The following AGBL4 variants were observed in gnomAD, a reference collection of about 807,000 sequenced individuals.
The protein encoded by AGBL4 is cytosolic carboxypeptidase 6.
A neutral mutation model predicts 66.4 loss-of-function variants in AGBL4; 58 were observed. The ratio of observed to expected loss-of-function variants is 0.87; its 90% CI spans 0.71 to 1.09. The LOEUF is 1.09. Ranked by LOEUF, AGBL4 falls within the 50% of genes least tolerant of loss-of-function variation. The pLI, the probability that AGBL4 is intolerant of heterozygous loss-of-function variation, is 0.00. For missense variants in AGBL4, 579 were observed against 631.0 expected (o/e 0.92, Z 0.88); for synonymous variants, 234 against 222.9 (o/e 1.05, Z -0.44).
At chr1:49,882,319 T>C (rs368070996) in intron 1 of AGBL4, among the ~76,000 whole-genome samples, 12,216 of 149,616 alleles carry the variant, frequency 0.082, 624 homozygotes, top group African/African-American at 0.16. Flanking sequence ...AGTCAGGTAG[T>C]GTGATGCCTC....
At chr1:49,432,699 A>G (rs1486372402) in intron 3 of AGBL4, among the ~76,000 whole-genome samples, 4 of 152,186 alleles carry the variant, frequency 2.6e-5, no homozygotes, top group Non-Finnish European at 5.9e-5. Flanking sequence ...AAAATGGCAT[A>G]TTAGCAAGTT....
intron 4 of AGBL4, among the ~76,000 whole-genome samples, chr1:49,195,363 T>C (rs1320822282): frequency 6.6e-6 from 1 of 152,268 alleles, no homozygotes; most frequent in East Asian, 1.9e-4. Flanking sequence ...ATGAAGTCTC[T>C]CTGTATTTGT....
At chr1:48,899,595 C>T (rs1186931113) in intron 5 of AGBL4, among the ~76,000 whole-genome samples, 2 of 152,082 alleles carry the variant, frequency 1.3e-5, no homozygotes, top group Non-Finnish European at 2.9e-5. Context: ...GTAGAGAAAC[C>T]TGGATCTGGC....
chr1:48,918,808 A>G (rs1315560494), intron 5 of AGBL4, among the ~76,000 whole-genome samples: 1 of 152,228 alleles, frequency 6.6e-6, no homozygotes, highest in Admixed American at 6.5e-5. Flanking sequence ...CCTGGGCGTC[A>G]GCACAGCTGT....
intron 5 of AGBL4, among the ~76,000 whole-genome samples, chr1:48,964,654 T>A (rs772672757): frequency 6.6e-6 from 1 of 152,076 alleles, no homozygotes; most frequent in African/African-American, 2.4e-5. Flanking sequence ...AGCAGCAGAG[T>A]TTATCTACTG....
At chr1:50,010,279 C>T (rs974195663) in intron 1 of AGBL4, among the ~76,000 whole-genome samples, 1 of 150,256 alleles carries the variant, frequency 6.7e-6, no homozygotes, top group Non-Finnish European at 1.5e-5. Context: ...TGCACTCCAG[C>T]CTGGGCAATA....
chr1:49,364,259 T>C (rs1004956445), intron 3 of AGBL4, among the ~76,000 whole-genome samples: 1 of 152,296 alleles, frequency 6.6e-6, no homozygotes, highest in Admixed American at 6.5e-5. Flanking sequence ...TAGTGTAGTA[T>C]AGGGCTAAGG....
At chr1:49,248,000 C>G (rs1651777980) in intron 3 of AGBL4, among the ~76,000 whole-genome samples, 1 of 152,066 alleles carries the variant, frequency 6.6e-6, no homozygotes, top group Non-Finnish European at 1.5e-5. Flanking sequence ...TACATGGAAA[C>G]AGTAACATCA....
intron 5 of AGBL4, among the ~76,000 whole-genome samples, chr1:48,876,249 A>C (rs879682531): frequency 6.6e-5 from 10 of 152,154 alleles, no homozygotes; most frequent in Admixed American, 5.9e-4. Context: ...TGAATACAGA[A>C]ACCTCGATCA....
Position 48,601,304 on chromosome 1 carries a change from A to T in AGBL4, c.952-10319T>A, listed in dbSNP as rs1645069820. Among the ~76,000 whole-genome samples, 5 of 152,242 alleles carry T rather than the reference A, an allele frequency of 3.3e-5. No individual in the cohort carries two copies. The South Asian group carries it at 1.0e-3, about 32-fold the overall frequency. ...ATCACAAATTCACACACTGTCATAGAGGTAAATGAAGTAACTGGCTTTGTG... is the reference window on the plus strand; with the variant it reads ...ATCACAAATTCACACACTGTCATAGTGGTAAATGAAGTAACTGGCTTTGTG... On this transcript the variant is annotated intron_variant, in intron 9 of 13. Coordinates refer to ENST00000371839, the MANE Select transcript of AGBL4 (RefSeq NM_032785.4).
At chr1:49,913,578 C>T (rs1651076763) in intron 1 of AGBL4, among the ~76,000 whole-genome samples, 1 of 152,172 alleles carries the variant, frequency 6.6e-6, no homozygotes, top group Non-Finnish European at 1.5e-5. Context: ...TGCTGGTGGC[C>T]CTACAGTTCT....
At chr1:48,837,711 C>CTATATATAAATA (rs1646714806) in intron 6 of AGBL4, among the ~76,000 whole-genome samples, 3 of 82,298 alleles carry the variant, frequency 3.6e-5, no homozygotes, top group South Asian at 5.9e-4. Flanking sequence ...CACACACACA[C>CTATATATAAATA]TATATATATA....
intron 1 of AGBL4, among the ~76,000 whole-genome samples, chr1:49,877,458 C>T (rs1311702881): frequency 6.6e-6 from 1 of 151,552 alleles, no homozygotes; most frequent in Admixed American, 6.6e-5. Flanking sequence ...TGCTGGATTA[C>T]ATTTATTGAT....
intron 3 of AGBL4, among the ~76,000 whole-genome samples, chr1:49,246,820 G>A (rs184066203): frequency 2.7e-4 from 41 of 151,944 alleles, no homozygotes; most frequent in Non-Finnish European, 5.0e-4. Flanking sequence ...ATTTCAAGAG[G>A]TTACCACAGG....
chr1:48,918,984 T>G (rs1398122341), intron 5 of AGBL4, among the ~76,000 whole-genome samples: 1 of 152,164 alleles, frequency 6.6e-6, no homozygotes. Context: ...TTGCTGCACA[T>G]GTACAAAAAG....
chr1:49,718,687 T>C (rs1005900164), intron 2 of AGBL4, among the ~76,000 whole-genome samples: 1 of 152,066 alleles, frequency 6.6e-6, no homozygotes, highest in Non-Finnish European at 1.5e-5. Flanking sequence ...TGGCTTATTT[T>C]CTATTAAACT....
At chr1:49,870,447 T>C (rs961351474) in intron 1 of AGBL4, among the ~76,000 whole-genome samples, 9 of 151,808 alleles carry the variant, frequency 5.9e-5, no homozygotes, top group South Asian at 2.1e-4. Context: ...TATAATTCGA[T>C]TATTTGTAAC....
chr1:49,532,258 A>G (rs1651199820), intron 3 of AGBL4, among the ~76,000 whole-genome samples: 1 of 152,152 alleles, frequency 6.6e-6, no homozygotes, highest in Admixed American at 6.5e-5. Context: ...CCTGAAATAT[A>G]GAACATGCTC....
chr1:49,871,236 T>C (rs1477105509), intron 1 of AGBL4, among the ~76,000 whole-genome samples: 1 of 151,990 alleles, frequency 6.6e-6, no homozygotes, highest in Non-Finnish European at 1.5e-5. Context: ...TAAAATATTA[T>C]TTAAAAATTT....
Sources: gnomAD v4.1 joint callset for allele counts (sites outside exome capture counted in the v4.1 genomes callset) on GRCh38, gnomAD v4.1.1 for gene constraint, MANE v1.5 for transcripts, NCBI Gene and HGNC (gene_info 2026-07-23, HGNC 2026-07-21) for gene names.